SATB1: variants seen among roughly 807,000 people sequenced by gnomAD.
SATB1 encodes DNA-binding protein SATB1.
In SATB1, 11 loss-of-function variants were observed where a neutral mutation model predicts 86.9. The ratio of observed to expected loss-of-function variants is 0.13; its 90% CI spans 0.08 to 0.21. The LOEUF (loss-of-function observed/expected upper bound fraction) is 0.21. Ranked by LOEUF, SATB1 falls within the 10% of genes least tolerant of loss-of-function variation. The pLI is 1.00. For synonymous variants in SATB1, 357 were observed against 357.2 expected (o/e 1.00, Z 0.01); for missense variants, 551 against 937.6 (o/e 0.59, Z 5.39).
intron 9 of SATB1, among the ~76,000 whole-genome samples, chr3:18,367,427 T>A (rs984764765): frequency 6.6e-6 from 1 of 152,166 alleles, no homozygotes; most frequent in Admixed American, 6.5e-5. Context: ...CATGAAGATA[T>A]GAGAGCACTG....
chr3:18,378,027 T>C (rs977941039), intron 9 of SATB1, 143 bp downstream of exon 9: 1 of 711,700 alleles, frequency 1.4e-6, no homozygotes, highest in South Asian at 3.0e-5. Context: ...TTGAATATTG[T>C]TTCATTTTAG....
upstream of SATB1, chr3:18,445,591 C>A (rs148092287): frequency 7.5e-3 from 7,250 of 966,182 alleles, 33 homozygotes; most frequent in Non-Finnish European, 8.5e-3. Flanking sequence ...TGTTGTTTGG[C>A]TGGGTTTTGG....
intron 8 of SATB1, among the ~76,000 whole-genome samples, chr3:18,382,208 G>A (rs376445096): frequency 6.6e-6 from 1 of 151,984 alleles, no homozygotes; most frequent in East Asian, 1.9e-4. Flanking sequence ...CTAAAGCATT[G>A]TTATGAAATA....
At chr3:18,432,837 A>T (rs1698932344) in intron 2 of SATB1, among the ~76,000 whole-genome samples, 1 of 151,966 alleles carries the variant, frequency 6.6e-6, no homozygotes, top group Non-Finnish European at 1.5e-5. Context: ...ACAATCTTTC[A>T]TGTATGCCTA....
chr3:18,359,764 G>A (rs1192650103), intron 9 of SATB1, among the ~76,000 whole-genome samples: 2 of 151,128 alleles, frequency 1.3e-5, no homozygotes, highest in African/African-American at 2.4e-5. Flanking sequence ...CTCTTCAAAT[G>A]TTAACTTTTA....
chr3:18,405,581 T>A (rs540271184), intron 5 of SATB1, among the ~76,000 whole-genome samples: 4 of 152,016 alleles, frequency 2.6e-5, no homozygotes, highest in Non-Finnish European at 5.9e-5. Flanking sequence ...CATATTAGAT[T>A]TTTAAGCCAT....
chr3:18,416,995 C>G lies in SATB1; in HGVS notation c.295G>C (p.Val99Leu). The change falls in exon 3 of 11, where the codon GTG becomes CTG. Residue 99 changes from valine to leucine, a missense_variant. By Grantham distance (32) the Val-to-Leu change is conservative. This residue lies in a region of SATB1 where 153 missense variants were observed against 258.1 expected (regional missense o/e 0.59). Coordinates refer to ENST00000338745, the MANE Select transcript of SATB1 (RefSeq NM_002971.6). ...YDCKEEHAEF[V>L]LVRKDMLFNQ... ...AAAAGCATATCCTTTCTCACCAGCA[C>G]AAATTCTGCATGCTCCTCCTTGCAA... 1 of 1,613,698 alleles carries G rather than the reference C, an allele frequency of 6.2e-7. No individual in the cohort carries two copies. Among genetic ancestry groups the G allele is most frequent in the Non-Finnish European group, 8.5e-7 (1 of 1,179,714 alleles).
intron 2 of SATB1, among the ~76,000 whole-genome samples, chr3:18,431,820 G>A (rs1698900036): frequency 6.6e-6 from 1 of 152,176 alleles, no homozygotes; most frequent in Non-Finnish European, 1.5e-5. Context: ...GTGGGGGCAG[G>A]AAGCTACTGG....
rs770914103 is a variant in SATB1, at chr3:18,391,377, TTAA to T, written c.1206+3082_1206+3084del. 4.5e-5 allele frequency among the ~76,000 whole-genome samples: 6 copies of T among 133,290 alleles called. No individual in the cohort carries two copies. The East Asian group carries it at 1.2e-3, about 27-fold the overall frequency. The allele number at this position is 133,290 out of a possible 152,430, so 87.4% of individuals were successfully genotyped here. On this transcript the variant is annotated intron_variant, in intron 7 of 10. Coordinates refer to ENST00000338745, the MANE Select transcript of SATB1 (RefSeq NM_002971.6). ...TGTATTTGTATGTACATATTTTACA[TTAA>T]TTTTTTTTTTATTATACTTTAAGTT... is the stretch of plus-strand genomic sequence containing the variant.
chr3:18,348,174 T>C lies in SATB1; in HGVS notation c.*996A>G, dbSNP rs1351404594. 1 of 152,652 alleles carries C rather than the reference T, an allele frequency of 6.6e-6. No individual in the cohort carries two copies. The highest frequency in any genetic ancestry group is 2.4e-5 in the African/African-American group (1 of 41,458). 9.5% of individuals were successfully genotyped at this position (152,652 alleles called of 1,614,324 possible). On this transcript the variant is annotated 3_prime_UTR_variant, in exon 11 of 11. Coordinates refer to ENST00000338745, the MANE Select transcript of SATB1 (RefSeq NM_002971.6). The stretch of plus-strand genomic sequence containing the variant: ...AAGGAAGACACATTGCAAACATCAA[T>C]TATTTTCACATTAATTGCATAATTT...
Position 18,397,295 on chromosome 3 carries a change from A to G in SATB1, c.640-5T>C, listed in dbSNP as rs78222354. 2.3e-3 allele frequency: 3,496 copies of G among 1,491,796 alleles called. 70 individuals carry two copies. In the African/African-American group the frequency reaches 0.042, roughly 18 times the overall value. The allele number at this position is 1,491,796 out of a possible 1,614,324, so 92.4% of individuals were successfully genotyped here. On this transcript the variant is annotated splice_region_variant and splice_polypyrimidine_tract_variant and intron_variant, in intron 5 of 10. Transcript: ENST00000338745. ...CACAATGGAAGAAATCATACTCTGCATGAAGAAGGGGGGAGAATATTTGTA... is the reference window on the plus strand; with the variant it reads ...CACAATGGAAGAAATCATACTCTGCGTGAAGAAGGGGGGAGAATATTTGTA...
intron 9 of SATB1, among the ~76,000 whole-genome samples, chr3:18,367,081 T>C (rs958893154): frequency 6.6e-6 from 1 of 152,198 alleles, no homozygotes; most frequent in Non-Finnish European, 1.5e-5. Context: ...AAGTTCAATG[T>C]CTGAGAGGTT....
At chr3:18,366,686 T>C (rs1695203703) in intron 9 of SATB1, among the ~76,000 whole-genome samples, 1 of 152,172 alleles carries the variant, frequency 6.6e-6, no homozygotes, top group African/African-American at 2.4e-5. Context: ...TGTATGATAA[T>C]AGGGAGAGTT....
intron 5 of SATB1, among the ~76,000 whole-genome samples, chr3:18,411,571 T>A (rs1296025406): frequency 6.6e-6 from 1 of 152,004 alleles, no homozygotes; most frequent in African/African-American, 2.4e-5. Context: ...ATTCCCAATT[T>A]TCCTCCCAAA....
intron 5 of SATB1, among the ~76,000 whole-genome samples, chr3:18,410,121 G>C (rs889498782): frequency 1.3e-5 from 2 of 151,956 alleles, no homozygotes; most frequent in Non-Finnish European, 2.9e-5. Flanking sequence ...CCATGATTAG[G>C]GGCTTGATAT....
chr3:18,377,993 A>C (rs1695851020), intron 9 of SATB1, among the ~76,000 whole-genome samples, 177 bp downstream of exon 9: 2 of 152,146 alleles, frequency 1.3e-5, no homozygotes, highest in African/African-American at 4.8e-5. Flanking sequence ...GGAAAAAACA[A>C]AACTAAGTGC....
At chr3:18,364,587 A>C (rs899835576) in intron 9 of SATB1, among the ~76,000 whole-genome samples, 40 of 152,078 alleles carry the variant, frequency 2.6e-4, no homozygotes, top group African/African-American at 9.2e-4. Flanking sequence ...CATTTTTTTC[A>C]TCCAAGTTCA....
At chr3:18,379,676 G>A (rs1208650845) in intron 8 of SATB1, among the ~76,000 whole-genome samples, 1 of 152,144 alleles carries the variant, frequency 6.6e-6, no homozygotes, top group Non-Finnish European at 1.5e-5. Context: ...AAATGTGCCT[G>A]CTGAATCCTA....
intron 9 of SATB1, 27 bp downstream of exon 9, chr3:18,378,143 T>C (rs1393126436): frequency 6.5e-7 from 1 of 1,533,438 alleles, no homozygotes; most frequent in East Asian, 2.4e-5. Flanking sequence ...CAGATAAACA[T>C]TCTCAATGCC....
Sources: allele counts gnomAD v4.1 joint callset (sites outside exome capture counted in the v4.1 genomes callset), GRCh38; gene constraint gnomAD v4.1.1; regional missense constraint gnomAD v4.1.1; transcripts MANE v1.5; gene names NCBI Gene and HGNC (gene_info 2026-07-23, HGNC 2026-07-21).